SND1: variants seen among roughly 807,000 people sequenced by gnomAD.
SND1 encodes staphylococcal nuclease domain-containing protein 1.
A neutral mutation model predicts 121.7 loss-of-function variants in SND1; 38 were observed. That is an observed-to-expected ratio of 0.31 (90% CI 0.24 to 0.41). The LOEUF is 0.41. Ranked by LOEUF, SND1 falls within the 10% of genes least tolerant of loss-of-function variation. SND1 has a pLI of 1.00. For missense variants in SND1, 868 were observed against 1,184.6 expected, an observed-to-expected ratio of 0.73 and a Z score of 3.92; for synonymous variants, 401 against 447.4, an observed-to-expected ratio of 0.90 and a Z score of 1.31.
chr7:127,818,635 T>G (rs1335528663), intron 11 of SND1, among the ~76,000 whole-genome samples: 1 of 152,174 alleles, frequency 6.6e-6, no homozygotes, highest in African/African-American at 2.4e-5. Context: ...GTGTGTGCGT[T>G]GTATGATGGA....
At chr7:127,740,451 A>G (rs1587632324) in intron 10 of SND1, among the ~76,000 whole-genome samples, 1 of 152,346 alleles carries the variant, frequency 6.6e-6, no homozygotes, top group Middle Eastern at 3.4e-3. Context: ...TAGAGTCCCC[A>G]AAGAATCACA....
intron 13 of SND1, among the ~76,000 whole-genome samples, chr7:127,895,465 C>T (rs568342548): frequency 2.0e-5 from 3 of 152,168 alleles, no homozygotes; most frequent in East Asian, 1.9e-4. Flanking sequence ...TAATGGCTTC[C>T]GTTCTTTTTT....
rs940163024 is a variant in SND1, at chr7:127,652,221, T to A, written c.-153T>A. 2 of 704,876 alleles carry A rather than the reference T, an allele frequency of 2.8e-6. No individual in the cohort carries two copies. The highest frequency in any genetic ancestry group is 3.5e-5 in the African/African-American group (2 of 56,768). 43.7% of individuals were successfully genotyped at this position (704,876 alleles called of 1,614,324 possible). ...CTTTCGCTCCGTGTCCCGCTGCTGC[T>A]CCTGTGAGCGCCCGGCGAGTCCGTC... On this transcript the variant is annotated 5_prime_UTR_variant, in exon 1 of 24. Coordinates refer to ENST00000354725, the MANE Select transcript of SND1 (RefSeq NM_014390.4).
At chr7:127,909,948 G>T (rs1800419492) in intron 14 of SND1, among the ~76,000 whole-genome samples, 1 of 152,176 alleles carries the variant, frequency 6.6e-6, no homozygotes, top group Admixed American at 6.5e-5. Context: ...TAGATTGGTA[G>T]ACAGGGTTGG....
intron 13 of SND1, among the ~76,000 whole-genome samples, chr7:127,902,204 C>T (rs1181690635): frequency 6.6e-6 from 1 of 152,174 alleles, no homozygotes; most frequent in Non-Finnish European, 1.5e-5. Flanking sequence ...GTTCTCCAGC[C>T]CCAGGAAAGG....
At chr7:127,679,346 T>C (rs1795669107) in intron 1 of SND1, 1 of 152,232 alleles carries the variant, frequency 6.6e-6, no homozygotes, top group South Asian at 2.1e-4. Flanking sequence ...TCAGCTAGCA[T>C]CTAATCTTCC....
intron 16 of SND1, among the ~76,000 whole-genome samples, chr7:128,024,123 C>T (rs1161375717): frequency 1.3e-5 from 2 of 151,688 alleles, no homozygotes; most frequent in South Asian, 2.1e-4. Context: ...ATCACTGCTC[C>T]AAGAAGTAAT....
chr7:127,706,280 C>T (rs1417896306), intron 8 of SND1, among the ~76,000 whole-genome samples: 4 of 103,330 alleles, frequency 3.9e-5, no homozygotes, highest in South Asian at 3.6e-4. Flanking sequence ...TTTTTTGAGA[C>T]GGAGTCTTGC....
At chr7:127,894,798 T>C (rs1800084720) in intron 13 of SND1, among the ~76,000 whole-genome samples, 1 of 150,300 alleles carries the variant, frequency 6.7e-6, no homozygotes, top group South Asian at 2.1e-4. Flanking sequence ...ATTCATTTCT[T>C]CTCTTTATTC....
chr7:127,978,027 A>C (rs924242782), intron 15 of SND1, among the ~76,000 whole-genome samples: 9 of 152,280 alleles, frequency 5.9e-5, no homozygotes, highest in Admixed American at 5.9e-4. Context: ...AGACGTGGGC[A>C]GTTGTTAGAT....
chr7:127,766,668 A>C (rs1041248311), intron 10 of SND1, among the ~76,000 whole-genome samples: 21 of 142,378 alleles, frequency 1.5e-4, no homozygotes, highest in Non-Finnish European at 2.9e-4. Flanking sequence ...CCAGCTACTC[A>C]GGAGGCTGAG....
intron 16 of SND1, among the ~76,000 whole-genome samples, chr7:128,003,059 T>C (rs764237724): frequency 2.0e-5 from 3 of 152,076 alleles, no homozygotes; most frequent in Non-Finnish European, 4.4e-5. Context: ...TTGTCTCTAA[T>C]GAAAATACAA....
intron 13 of SND1, among the ~76,000 whole-genome samples, chr7:127,889,545 G>C (rs1376337656): frequency 1.3e-5 from 2 of 151,714 alleles, no homozygotes; most frequent in African/African-American, 2.4e-5. Context: ...TAGTTATTTT[G>C]AAATGTACAA....
chr7:127,664,176 G>C (rs1795369508), intron 1 of SND1, among the ~76,000 whole-genome samples: 2 of 151,980 alleles, frequency 1.3e-5, no homozygotes, highest in South Asian at 4.2e-4. Flanking sequence ...GGGTCTCTCT[G>C]TGCTACCCAG....
chr7:127,878,695 C>G (rs1207787208), intron 12 of SND1, among the ~76,000 whole-genome samples: 1 of 152,080 alleles, frequency 6.6e-6, no homozygotes, highest in Non-Finnish European at 1.5e-5. Flanking sequence ...ACTTGTTAAA[C>G]AGAGAATGGG....
intron 15 of SND1, among the ~76,000 whole-genome samples, chr7:127,975,991 C>G (rs1802111838): frequency 6.6e-6 from 1 of 152,218 alleles, no homozygotes; most frequent in African/African-American, 2.4e-5. Context: ...GAGAGTTCAG[C>G]CCTCAGAGAT....
chr7:127,715,500 G>A (rs901785984), intron 9 of SND1, among the ~76,000 whole-genome samples: 2 of 152,050 alleles, frequency 1.3e-5, no homozygotes, highest in African/African-American at 4.8e-5. Context: ...GGAGTCCCCA[G>A]TGTCTATTGT....
At chr7:127,774,382 AT>A (rs944821130) in intron 10 of SND1, among the ~76,000 whole-genome samples, 3 of 152,200 alleles carry the variant, frequency 2.0e-5, no homozygotes, top group Admixed American at 2.0e-4. Flanking sequence ...TTGAAGAAAG[AT>A]TTTTAAAAAC....
At chr7:127,732,027 T>A (rs1357939933) in intron 10 of SND1, among the ~76,000 whole-genome samples, 2 of 152,228 alleles carry the variant, frequency 1.3e-5, no homozygotes, top group Non-Finnish European at 2.9e-5. Context: ...CAGTGGAGTG[T>A]GCTCCTGTGG....
Sources: gnomAD v4.1 joint callset for allele counts (sites outside exome capture counted in the v4.1 genomes callset) on GRCh38, gnomAD v4.1.1 for gene constraint, MANE v1.5 for transcripts, NCBI Gene and HGNC (gene_info 2026-07-23, HGNC 2026-07-21) for gene names.